Variants in STARD13 observed in about 807,000 individuals in gnomAD.
The protein encoded by STARD13 is StAR related lipid transfer domain containing 13.
In STARD13, 62 loss-of-function variants were observed where a neutral mutation model predicts 106.4. The ratio of observed to expected loss-of-function variants is 0.58; its 90% CI spans 0.48 to 0.72. The LOEUF (loss-of-function observed/expected upper bound fraction) is 0.72, where lower values mean the gene tolerates loss of function less well. Ranked by LOEUF, STARD13 falls within the 30% of genes least tolerant of loss-of-function variation. The pLI is 0.00. For synonymous variants in STARD13, 565 were observed against 553.0 expected, an observed-to-expected ratio of 1.02 and a Z score of -0.31; for missense variants, 1,387 against 1,424.0, an observed-to-expected ratio of 0.97 and a Z score of 0.42.
intron 1 of STARD13, among the ~76,000 whole-genome samples, chr13:33,169,009 T>G (rs1883642672): frequency 6.6e-6 from 1 of 152,200 alleles, no homozygotes; most frequent in South Asian, 2.1e-4. Context: ...CCTAATCTAC[T>G]GTTACTCCAG....
At chr13:33,336,479 T>G (rs1352408273) in intron 1 of STARD13, 1 of 152,098 alleles carries the variant, frequency 6.6e-6, no homozygotes, top group Non-Finnish European at 1.5e-5. Context: ...GCTGGCCATG[T>G]TCGGTGGCTC....
the STARD13 span, among the ~76,000 whole-genome samples, chr13:33,612,933 G>A: frequency 9.9e-5 from 15 of 152,278 alleles, no homozygotes; most frequent in African/African-American, 1.7e-4. Context: ...CTAAAGGCTC[G>A]TCTTCCAGTC....
the STARD13 span, among the ~76,000 whole-genome samples, chr13:33,560,718 C>T: frequency 4.0e-5 from 6 of 151,552 alleles, no homozygotes; most frequent in Admixed American, 3.9e-4. Context: ...TCTCATTGCC[C>T]ATCTTTAATT....
intron 7 of STARD13, among the ~76,000 whole-genome samples, chr13:33,124,004 A>G (rs1420774918): frequency 6.6e-6 from 1 of 152,202 alleles, no homozygotes; most frequent in African/African-American, 2.4e-5. Flanking sequence ...AATCTTTTCA[A>G]TTCCACAGAA....
At chr13:33,635,901 G>A in the STARD13 span, among the ~76,000 whole-genome samples, 11 of 151,882 alleles carry the variant, frequency 7.2e-5, no homozygotes, top group Non-Finnish European at 1.2e-4. Context: ...GGAGAATGGC[G>A]TGAACCCGGG....
intron 1 of STARD13, among the ~76,000 whole-genome samples, chr13:33,254,229 A>C (rs2138297169): frequency 6.6e-6 from 1 of 152,342 alleles, no homozygotes; most frequent in Middle Eastern, 3.4e-3. Context: ...AGTCAGCGGC[A>C]AAGAGGATAA....
intron 1 of STARD13, among the ~76,000 whole-genome samples, chr13:33,335,576 C>T (rs2077886580): frequency 6.6e-6 from 1 of 152,236 alleles, no homozygotes; most frequent in South Asian, 2.1e-4. Flanking sequence ...CGCCACTTAA[C>T]CTCTCCCAGC....
intron 1 of STARD13, among the ~76,000 whole-genome samples, chr13:33,216,588 A>T (rs1407746452): frequency 6.6e-6 from 1 of 152,186 alleles, no homozygotes; most frequent in Non-Finnish European, 1.5e-5. Flanking sequence ...GAGGTGAGGG[A>T]TAAAAGACTG....
chr13:33,631,687 T>A, the STARD13 span, among the ~76,000 whole-genome samples: 1 of 152,232 alleles, frequency 6.6e-6, no homozygotes, highest in South Asian at 2.1e-4. Context: ...TTAATTGAAA[T>A]GTAGATTTCT....
chr13:33,473,999 C>A, the STARD13 span, among the ~76,000 whole-genome samples: 1 of 152,122 alleles, frequency 6.6e-6, no homozygotes, highest in Non-Finnish European at 1.5e-5. Flanking sequence ...AGTTAGATTG[C>A]ATTTTGGTGA....
chr13:33,111,108 T>C (rs1874492388), intron 10 of STARD13, among the ~76,000 whole-genome samples: 1 of 152,254 alleles, frequency 6.6e-6, no homozygotes, highest in African/African-American at 2.4e-5. Context: ...TTTCTGAGGC[T>C]GTATTTATTA....
the STARD13 span, among the ~76,000 whole-genome samples, chr13:33,502,858 C>A: frequency 1.3e-5 from 2 of 152,108 alleles, no homozygotes; most frequent in Non-Finnish European, 1.5e-5. Flanking sequence ...TTTGTTGTGT[C>A]TCTGCCAGGC....
intron 1 of STARD13, among the ~76,000 whole-genome samples, chr13:33,219,186 C>T (rs764686042): frequency 2.0e-5 from 3 of 152,144 alleles, no homozygotes; most frequent in Non-Finnish European, 4.4e-5. Flanking sequence ...CAGTACGCCA[C>T]AGTTCCAGGG....
At chr13:33,339,684 C>A (rs940899387) in intron 1 of STARD13, among the ~76,000 whole-genome samples, 2 of 152,196 alleles carry the variant, frequency 1.3e-5, no homozygotes, top group East Asian at 3.8e-4. Context: ...ATAAAACCTT[C>A]TATAAGATAA....
chr13:33,106,714 G>T, intron 13 of STARD13, 44 bp downstream of exon 13: 1 of 1,538,822 alleles, frequency 6.5e-7, no homozygotes. Flanking sequence ...TACAAGCTGA[G>T]ACTCCCAAGA....
intron 1 of STARD13, among the ~76,000 whole-genome samples, chr13:33,228,708 TC>T (rs1888747489): frequency 6.6e-6 from 1 of 152,324 alleles, no homozygotes; most frequent in South Asian, 2.1e-4. Flanking sequence ...TTTTACACCT[TC>T]GAATACAAGA....
chr13:33,242,547 G>A (rs897514619), intron 1 of STARD13, among the ~76,000 whole-genome samples: 8 of 152,124 alleles, frequency 5.3e-5, no homozygotes, highest in Admixed American at 2.6e-4. Context: ...GATGCTTGAA[G>A]GCAGCATACT....
chr13:33,112,450 T>A (rs1205062362), intron 9 of STARD13, among the ~76,000 whole-genome samples: 1 of 152,214 alleles, frequency 6.6e-6, no homozygotes, highest in African/African-American at 2.4e-5. Context: ...CTATCTCTAT[T>A]ATCTACCTAT....
chr13:33,175,826 C>A (rs929041896), intron 1 of STARD13, among the ~76,000 whole-genome samples: 21 of 152,184 alleles, frequency 1.4e-4, no homozygotes, highest in African/African-American at 4.3e-4. Context: ...TTTAGGGATG[C>A]AAACTCCTCC....
Sources: allele counts gnomAD v4.1 joint callset (sites outside exome capture counted in the v4.1 genomes callset), GRCh38; gene constraint gnomAD v4.1.1; transcripts MANE v1.5; gene names NCBI Gene and HGNC (gene_info 2026-07-23, HGNC 2026-07-21).